The following SPPL3 variants were observed in gnomAD, a reference collection of about 807,000 sequenced individuals.
SPPL3 encodes signal peptide peptidase-like 3.
A neutral mutation model predicts 42.4 loss-of-function variants in SPPL3; 5 were observed. The observed-to-expected ratio is 0.12, with a 90% CI of 0.06 to 0.25. The LOEUF is 0.25. Ranked by LOEUF, SPPL3 falls within the 10% of genes least tolerant of loss-of-function variation. SPPL3 has a pLI of 1.00. For synonymous variants in SPPL3, 195 were observed against 181.8 expected (o/e 1.07, Z -0.58); for missense variants, 235 against 489.0 (o/e 0.48, Z 4.90).
chr12:120,817,939 G>GT (rs1027939951), intron 1 of SPPL3, among the ~76,000 whole-genome samples: 37 of 152,118 alleles, frequency 2.4e-4, no homozygotes, highest in African/African-American at 8.7e-4. Flanking sequence ...GGGATCTGGG[G>GT]TAAGACTACG....
intron 1 of SPPL3, among the ~76,000 whole-genome samples, chr12:120,898,314 T>TTA (rs1873874591): frequency 7.8e-5 from 5 of 64,290 alleles, no homozygotes; most frequent in African/African-American, 1.1e-4. Context: ...TTTTTTTTTT[T>TTA]AAAAAAAAAA....
At chr12:120,896,494 G>T (rs1466786972) in intron 1 of SPPL3, among the ~76,000 whole-genome samples, 1 of 152,112 alleles carries the variant, frequency 6.6e-6, no homozygotes, top group African/African-American at 2.4e-5. Context: ...AGTGAAAGTT[G>T]GCCAGGCATG....
chr12:120,871,406 G>A (rs1451676029), intron 1 of SPPL3, among the ~76,000 whole-genome samples: 1 of 151,998 alleles, frequency 6.6e-6, no homozygotes, highest in African/African-American at 2.4e-5. Context: ...TATCCACGGG[G>A]GATTGATTCC....
intron 1 of SPPL3, among the ~76,000 whole-genome samples, chr12:120,890,546 G>A (rs944294046): frequency 4.9e-5 from 7 of 143,318 alleles, no homozygotes; most frequent in Admixed American, 7.4e-5. Context: ...CAGAGATCGC[G>A]CCATTGTACT....
intron 7 of SPPL3, 119 bp from the exon 8 acceptor site, chr12:120,768,607 G>T: frequency 8.5e-7 from 1 of 1,175,778 alleles, no homozygotes; most frequent in Non-Finnish European, 1.2e-6. Flanking sequence ...TGCTTTCGTT[G>T]ACTGTATGAT....
chr12:120,862,318 G>C (rs536467495), intron 1 of SPPL3, among the ~76,000 whole-genome samples: 2 of 152,048 alleles, frequency 1.3e-5, no homozygotes, highest in African/African-American at 2.4e-5. Context: ...ATAATAATTA[G>C]ATGTTCATCA....
chr12:120,792,865 A>G (rs1215374187), intron 2 of SPPL3, among the ~76,000 whole-genome samples: 1 of 152,160 alleles, frequency 6.6e-6, no homozygotes, highest in East Asian at 1.9e-4. Flanking sequence ...GCTTTTAGAT[A>G]AAAACACATG....
intron 1 of SPPL3, among the ~76,000 whole-genome samples, chr12:120,884,785 GTTTTTTTGGGTTT>G (rs1346872511): frequency 5.4e-4 from 71 of 130,946 alleles, no homozygotes; most frequent in African/African-American, 1.5e-3. Flanking sequence ...TATGGCTAGA[GTTTTTTTGGGTTT>G]TTTTTTTGGG....
At chr12:120,900,019 C>T (rs1447348405) in intron 1 of SPPL3, among the ~76,000 whole-genome samples, 1 of 151,682 alleles carries the variant, frequency 6.6e-6, no homozygotes, top group East Asian at 1.9e-4. Context: ...AGAGCAAGCA[C>T]ACGTGAACTT....
At position 120,849,993 on chromosome 12, in the gene SPPL3, T is replaced by G. The variant is rs527848295; in HGVS notation, c.24-39107A>C. On this transcript the variant is annotated intron_variant, in intron 1 of 10. Coordinates refer to ENST00000353487, the MANE Select transcript of SPPL3 (RefSeq NM_139015.5). ...AAACAGGCAGTCACTGGTCAGAAGT[T>G]TTCCTCAGCTGAGTCACCCGGCCAT... Among the ~76,000 whole-genome samples, 140 of 152,252 alleles carry G rather than the reference T, an allele frequency of 9.2e-4. No homozygotes were observed. The South Asian group carries it at 0.013, about 14-fold the overall frequency.
In SPPL3 at chr12:120,794,899, CTTTAA is replaced by C. The variant is rs148798090; in HGVS notation, c.102-3347_102-3343del. 4.7e-3 allele frequency among the ~76,000 whole-genome samples: 719 copies of C among 152,220 alleles called. 8 individuals carry two copies. The highest frequency in any genetic ancestry group is 0.016 in the African/African-American group (656 of 41,514). On this transcript the variant is annotated intron_variant, in intron 2 of 10. Transcript: ENST00000353487. ...GTCCTATGAGCTATAACTCTTTGCT[CTTTAA>C]TTTTAGTGGCTGCTGTAGGGTCTAT...
intron 1 of SPPL3, among the ~76,000 whole-genome samples, chr12:120,852,873 A>G (rs1485186596): frequency 6.8e-6 from 1 of 146,556 alleles, no homozygotes; most frequent in Admixed American, 7.0e-5. Context: ...TATAATATAT[A>G]CATATCATAT....
chr12:120,778,743 T>C (rs891871760), intron 6 of SPPL3, among the ~76,000 whole-genome samples: 2 of 151,810 alleles, frequency 1.3e-5, no homozygotes, highest in East Asian at 1.9e-4. Context: ...CTAACTAACT[T>C]GACACACAGA....
chr12:120,795,373 A>G (rs1870063409), intron 2 of SPPL3, among the ~76,000 whole-genome samples: 1 of 152,236 alleles, frequency 6.6e-6, no homozygotes, highest in African/African-American at 2.4e-5. Flanking sequence ...CATTCTGCTC[A>G]AAAGACTTCC....
In SPPL3 at chr12:120,763,108, G is replaced by C. The variant is rs1479257028; in HGVS notation, c.*1891C>G. Reference sequence around the variant, plus strand: ...CTTTGATGTATCTATGACTGGGCCAGAGCTGCAGATGACCAGGTCTGGGGA... The same window carrying C: ...CTTTGATGTATCTATGACTGGGCCACAGCTGCAGATGACCAGGTCTGGGGA... On this transcript the variant is annotated 3_prime_UTR_variant, in exon 11 of 11. Coordinates refer to ENST00000353487, the MANE Select transcript of SPPL3 (RefSeq NM_139015.5). The C allele has an allele frequency of 6.6e-6, 1 of 152,242 alleles. No individual in the cohort carries two copies. The allele number at this position is 152,242 out of a possible 1,614,324, so 9.4% of individuals were successfully genotyped here.
chr12:120,771,502 C>A (rs915916996), intron 6 of SPPL3, among the ~76,000 whole-genome samples: 12 of 152,184 alleles, frequency 7.9e-5, no homozygotes, highest in Non-Finnish European at 1.8e-4. Context: ...TAAGATCATA[C>A]TTCCTGCCCT....
Position 120,791,455 on chromosome 12 carries a change from A to C in SPPL3, c.190+14T>G, listed in dbSNP as rs781633203. 1 of 1,564,166 alleles carries C rather than the reference A, an allele frequency of 6.4e-7. No homozygotes were observed. Among genetic ancestry groups the C allele is most frequent in the African/African-American group, 1.4e-5 (1 of 72,908 alleles). ...ACTATATGTACAGAAGTTAATTGAC[A>C]TAAAATATCTTACTATTATTGGTGC... On this transcript the variant is annotated intron_variant, in intron 3 of 10. Coordinates refer to ENST00000353487, the MANE Select transcript of SPPL3 (RefSeq NM_139015.5).
chr12:120,897,550 C>T (rs960986015), intron 1 of SPPL3, among the ~76,000 whole-genome samples: 3 of 152,044 alleles, frequency 2.0e-5, no homozygotes, highest in African/African-American at 4.8e-5. Context: ...GGTGAAACCC[C>T]GTCTCTACTA....
Position 120,782,773 on chromosome 12 carries a change from A to G in SPPL3, c.390-6T>C, listed in dbSNP as rs1377539141. 6.3e-7 allele frequency: 1 copy of G among 1,592,888 alleles called. No individual in the cohort carries two copies. The highest frequency in any genetic ancestry group is 1.3e-5 in the African/African-American group (1 of 74,416). ...CACAGCAACCAAAGGAAATCCTGGA[A>G]AACACACAACACTTATTGGACAGTG... is the stretch of plus-strand genomic sequence containing the variant. On this transcript the variant is annotated splice_polypyrimidine_tract_variant and splice_region_variant and intron_variant, in intron 5 of 10. Coordinates refer to ENST00000353487, the MANE Select transcript of SPPL3 (RefSeq NM_139015.5).
Sources: gnomAD v4.1 joint callset for allele counts (sites outside exome capture counted in the v4.1 genomes callset) on GRCh38, gnomAD v4.1.1 for gene constraint, MANE v1.5 for transcripts, NCBI Gene and HGNC (gene_info 2026-07-23, HGNC 2026-07-21) for gene names.